Variants in RAB3IL1 observed in about 807,000 individuals in gnomAD.
RAB3IL1 encodes the protein guanine nucleotide exchange factor for Rab-3A.
In RAB3IL1, 37 loss-of-function variants were observed where a neutral mutation model predicts 49.2. The observed-to-expected ratio is 0.75, with a 90% CI of 0.58 to 0.99. The LOEUF (loss-of-function observed/expected upper bound fraction) is 0.99, where lower values mean the gene tolerates loss of function less well. RAB3IL1 is among the 50% of genes least tolerant of loss of function. RAB3IL1 has a pLI of 0.00. For missense variants in RAB3IL1, 484 were observed against 513.0 expected, an observed-to-expected ratio of 0.94 and a Z score of 0.55; for synonymous variants, 193 against 213.9, an observed-to-expected ratio of 0.90 and a Z score of 0.85.
At chr11:61,914,653 C>G (rs937823955) in intron 1 of RAB3IL1, among the ~76,000 whole-genome samples, 1 of 151,880 alleles carries the variant, frequency 6.6e-6, no homozygotes, top group Non-Finnish European at 1.5e-5. Context: ...AAGAAGAGGA[C>G]CCACCCAGGC....
In RAB3IL1 at chr11:61,908,695, T is replaced by C. The variant is rs564499565; in HGVS notation, c.12-389A>G. On this transcript the variant is annotated intron_variant, in intron 1 of 9. Coordinates refer to ENST00000394836, the MANE Select transcript of RAB3IL1 (RefSeq NM_013401.4). The stretch of plus-strand genomic sequence containing the variant: ...TGGCCCTACCTCAAAGGTCACTGAA[T>C]GATCAGAGGAGGTGTGGGTAAAACC... Among the ~76,000 whole-genome samples, 3 of 152,328 alleles carry C rather than the reference T, an allele frequency of 2.0e-5. No homozygotes were observed. In the East Asian group the frequency reaches 5.8e-4, roughly 29 times the overall value.
At chr11:61,942,853 G>A in the RAB3IL1 span, among the ~76,000 whole-genome samples, 1 of 152,200 alleles carries the variant, frequency 6.6e-6, no homozygotes, top group Admixed American at 6.6e-5. Flanking sequence ...CGACAGTGGT[G>A]AATGAAACTA....
the RAB3IL1 span, among the ~76,000 whole-genome samples, chr11:61,933,269 C>T: frequency 1.3e-5 from 2 of 152,070 alleles, no homozygotes; most frequent in African/African-American, 2.4e-5. Context: ...GGAGTAGACC[C>T]TAAATGCAAT....
intron 1 of RAB3IL1, among the ~76,000 whole-genome samples, chr11:61,912,235 C>A (rs1939483890): frequency 6.6e-6 from 1 of 152,172 alleles, no homozygotes; most frequent in Non-Finnish European, 1.5e-5. Flanking sequence ...CTGCAGAAAC[C>A]CCGACCCAGG....
At chr11:61,899,950 C>G (rs753453192) in intron 8 of RAB3IL1, among the ~76,000 whole-genome samples, 1 of 152,356 alleles carries the variant, frequency 6.6e-6, no homozygotes, top group Non-Finnish European at 1.5e-5. Context: ...GGCTCAGACA[C>G]TGCTATGAGG....
chr11:61,905,788 T>C (rs1488496354), intron 5 of RAB3IL1, among the ~76,000 whole-genome samples: 5 of 152,106 alleles, frequency 3.3e-5, no homozygotes. Flanking sequence ...GGTGCAGCCT[T>C]GAACTCAGCT....
At chr11:61,907,916 G>T in intron 2 of RAB3IL1, 138 bp downstream of exon 2, 1 of 1,351,352 alleles carries the variant, frequency 7.4e-7, no homozygotes, top group Non-Finnish European at 1.0e-6. Flanking sequence ...GCCCAGTACA[G>T]GCCTGGCCAG....
intron 1 of RAB3IL1, among the ~76,000 whole-genome samples, chr11:61,911,880 T>C (rs1939467424): frequency 6.6e-6 from 1 of 151,816 alleles, no homozygotes; most frequent in South Asian, 2.1e-4. Flanking sequence ...GTAACCACAA[T>C]CCTCACCCCA....
chr11:61,904,986 C>A lies in RAB3IL1; in HGVS notation c.658-104G>T, dbSNP rs542042050. ...GAGCGAGGGAGGACGTGGGGCAGGC[C>A]CAGCAAGCCAGCAGGTCGATCCCCA... On this transcript the variant is annotated intron_variant, in intron 5 of 9. Transcript: ENST00000394836. The A allele has an allele frequency of 1.9e-4, 159 of 827,482 alleles. 1 individual carries two copies. In the African/African-American group the frequency reaches 2.1e-3, roughly 11 times the overall value. 51.3% of individuals were successfully genotyped at this position (827,482 alleles called of 1,614,324 possible). A position where few individuals can be genotyped will look rare whatever the true frequency, so the allele number is the denominator to read the frequency against.
the RAB3IL1 span, among the ~76,000 whole-genome samples, chr11:61,935,501 A>T: frequency 1.3e-5 from 2 of 151,804 alleles, no homozygotes; most frequent in Non-Finnish European, 2.9e-5. Flanking sequence ...TAAATCAACT[A>T]TTTTATTGTA....
At chr11:61,901,440 T>G (rs932744012) in intron 8 of RAB3IL1, among the ~76,000 whole-genome samples, 2 of 152,176 alleles carry the variant, frequency 1.3e-5, no homozygotes, top group Admixed American at 6.5e-5. Flanking sequence ...CGCTGAACCT[T>G]TTCCAAAGCT....
chr11:61,899,562 T>TAGC (rs765570044), intron 8 of RAB3IL1, 182 bp from the exon 9 acceptor site: 79 of 587,226 alleles, frequency 1.3e-4, no homozygotes, highest in East Asian at 7.6e-4. Flanking sequence ...CCTGCTGTAA[T>TAGC]AGCAGCAGCA....
upstream of RAB3IL1, among the ~76,000 whole-genome samples, chr11:61,921,512 C>G (rs1367775086): frequency 6.6e-6 from 1 of 152,216 alleles, no homozygotes; most frequent in African/African-American, 2.4e-5. Context: ...TTCATACCCC[C>G]TCCTCTAGGA....
chr11:61,910,762 A>G (rs551900433), intron 1 of RAB3IL1, among the ~76,000 whole-genome samples: 2 of 152,294 alleles, frequency 1.3e-5, no homozygotes, highest in South Asian at 4.1e-4. Context: ...GACACTGTTG[A>G]TGGAGTGATG....
the RAB3IL1 span, among the ~76,000 whole-genome samples, chr11:61,929,884 C>CTTTTT: frequency 5.1e-4 from 34 of 66,422 alleles, no homozygotes; most frequent in Non-Finnish European, 6.1e-4. Context: ...CCGCGCCCGG[C>CTTTTT]TTTTTTTTTT....
rs774507967 is a variant in RAB3IL1, at chr11:61,906,612, G to A, written c.511C>T (p.Arg171Cys). Residue 171 changes from arginine (R) to cysteine (C), a missense_variant, in exon 5 of 10, where the codon CGC (arginine) becomes TGC (cysteine). By Grantham distance (180) the Arg-to-Cys change is radical. Transcript: ENST00000394836. The surrounding 1 kb of genome is among the most constrained non-coding windows in gnomAD (Gnocchi z 4.6). ...VITSTPASPN[R>C]ELHPQLLSPT... ...CTCAGCAGCTGGGGGTGAAGCTCGC[G>A]GTTGGGAGAGGCTGGTGTGGACGTG... 4.6e-5 allele frequency: 74 copies of A among 1,611,866 alleles called. No individual in the cohort carries two copies. The highest frequency in any genetic ancestry group is 5.5e-5 in the Non-Finnish European group (65 of 1,179,358).
At chr11:61,943,606 T>C in the RAB3IL1 span, among the ~76,000 whole-genome samples, 1 of 152,076 alleles carries the variant, frequency 6.6e-6, no homozygotes, top group Non-Finnish European at 1.5e-5. Context: ...TATAAATAAT[T>C]CTAACAACAA....
At chr11:61,929,709 C>G in the RAB3IL1 span, among the ~76,000 whole-genome samples, 1 of 151,040 alleles carries the variant, frequency 6.6e-6, no homozygotes, top group South Asian at 2.1e-4. Context: ...CCTCAGCCTC[C>G]TGAGTAGCTG....
chr11:61,898,208 T>C lies in RAB3IL1; in HGVS notation c.*70A>G. On this transcript the variant is annotated 3_prime_UTR_variant, in exon 10 of 10. Coordinates refer to ENST00000394836, the MANE Select transcript of RAB3IL1 (RefSeq NM_013401.4). This position sits in a 1 kb window ranked among gnomAD's most constrained non-coding sequence, Gnocchi z 5.1. ...GGCTGGCTCCAGGCCCCCGTCTCCC[T>C]GTGTGTCGGCTTGTTCTGGGGTGGG... 1 of 1,443,596 alleles carries C rather than the reference T, an allele frequency of 6.9e-7. No individual in the cohort carries two copies. Among genetic ancestry groups the C allele is most frequent in the Non-Finnish European group, 9.6e-7 (1 of 1,039,930 alleles). The allele number at this position is 1,443,596 out of a possible 1,614,324, so 89.4% of individuals were successfully genotyped here. A position where few individuals can be genotyped will look rare whatever the true frequency, so the allele number is the denominator to read the frequency against.
Sources: allele counts gnomAD v4.1 joint callset (sites outside exome capture counted in the v4.1 genomes callset), GRCh38; gene constraint gnomAD v4.1.1; non-coding constraint Gnocchi (gnomAD v3.1); transcripts MANE v1.5; gene names NCBI Gene and HGNC (gene_info 2026-07-23, HGNC 2026-07-21).